DTNBP1: variants seen among roughly 807,000 people sequenced by gnomAD.
DTNBP1 encodes dysbindin.
DTNBP1 carries 35 observed loss-of-function variants against 42.8 expected under a neutral mutation model. The ratio of observed to expected loss-of-function variants is 0.82; its 90% CI spans 0.63 to 1.09. The LOEUF (loss-of-function observed/expected upper bound fraction) is 1.09. DTNBP1 is among the 50% of genes least tolerant of loss of function. The pLI is 0.00. For synonymous variants in DTNBP1, 171 were observed against 162.2 expected, an observed-to-expected ratio of 1.05 and a Z score of -0.41; for missense variants, 457 against 424.2, an observed-to-expected ratio of 1.08 and a Z score of -0.68.
chr6:15,620,180 C>T (rs1033902905), intron 5 of DTNBP1, among the ~76,000 whole-genome samples: 5 of 152,128 alleles, frequency 3.3e-5, no homozygotes, highest in South Asian at 4.1e-4. Flanking sequence ...GCTTTTGAAT[C>T]TAGCTTCAGG....
intron 6 of DTNBP1, among the ~76,000 whole-genome samples, chr6:15,595,986 A>G (rs1561981698): frequency 6.6e-6 from 1 of 152,210 alleles, no homozygotes; most frequent in Non-Finnish European, 1.5e-5. Context: ...GCTGTGATGG[A>G]TGGATATACT....
intron 7 of DTNBP1, among the ~76,000 whole-genome samples, chr6:15,563,676 T>C (rs1774939430): frequency 6.6e-6 from 1 of 152,112 alleles, no homozygotes; most frequent in Non-Finnish European, 1.5e-5. Context: ...GAAAATACAG[T>C]TTCTTCATCT....
At chr6:15,524,312 T>A (rs537310760) in intron 9 of DTNBP1, 12 of 1,611,020 alleles carry the variant, frequency 7.4e-6, no homozygotes, top group South Asian at 5.5e-5. Flanking sequence ...GAGTGGAGCA[T>A]GTCAAATCTT....
intron 7 of DTNBP1, among the ~76,000 whole-genome samples, chr6:15,543,087 C>A (rs1773672539): frequency 6.6e-6 from 1 of 152,096 alleles, no homozygotes; most frequent in Non-Finnish European, 1.5e-5. Flanking sequence ...ATTTATTCCA[C>A]AAATAATAGG....
intron 4 of DTNBP1, among the ~76,000 whole-genome samples, chr6:15,637,119 A>C (rs578086180): frequency 8.5e-5 from 13 of 152,302 alleles, no homozygotes; most frequent in African/African-American, 3.1e-4. Flanking sequence ...AATCAGTCTA[A>C]ATTTATTTAA....
chr6:15,534,830 T>A (rs1344857948), intron 7 of DTNBP1, among the ~76,000 whole-genome samples: 1 of 152,100 alleles, frequency 6.6e-6, no homozygotes, highest in Non-Finnish European at 1.5e-5. Flanking sequence ...AATATTGATA[T>A]GAAACATATG....
intron 7 of DTNBP1, among the ~76,000 whole-genome samples, chr6:15,552,213 C>A (rs1173659019): frequency 1.3e-5 from 2 of 152,118 alleles, no homozygotes; most frequent in Non-Finnish European, 2.9e-5. Flanking sequence ...AAAAGCTGGC[C>A]AGGAAATCTG....
chr6:15,557,606 A>T (rs1262436802), intron 7 of DTNBP1, among the ~76,000 whole-genome samples: 3 of 152,180 alleles, frequency 2.0e-5, no homozygotes, highest in Non-Finnish European at 4.4e-5. Flanking sequence ...TTCATAGTAC[A>T]CAAATACAAA....
intron 6 of DTNBP1, among the ~76,000 whole-genome samples, chr6:15,599,684 T>C (rs1325702297): frequency 3.3e-5 from 5 of 152,164 alleles, no homozygotes; most frequent in Non-Finnish European, 5.9e-5. Context: ...ATCCCCAACA[T>C]AGCCCTGAAG....
rs534514449 is a variant in DTNBP1, at chr6:15,544,464, C to T, written c.512-11069G>A. 2.0e-5 allele frequency among the ~76,000 whole-genome samples: 3 copies of T among 152,320 alleles called. No individual in the cohort carries two copies. The South Asian group carries it at 6.2e-4, about 32-fold the overall frequency. ...TGGGTCATACGGTAAGTTCATTTTT[C>T]GGTTTTGAAAGGAACTGCCAAACTC... On this transcript the variant is annotated intron_variant, in intron 7 of 9. Transcript: ENST00000344537.
intron 6 of DTNBP1, among the ~76,000 whole-genome samples, chr6:15,598,175 TGAAA>T (rs981727277): frequency 3.9e-5 from 6 of 152,064 alleles, no homozygotes; most frequent in Non-Finnish European, 7.4e-5. Context: ...AGAATAAAAA[TGAAA>T]GAAAGAATCA....
chr6:15,607,860 T>C (rs1758165777), intron 6 of DTNBP1, among the ~76,000 whole-genome samples: 1 of 152,202 alleles, frequency 6.6e-6, no homozygotes, highest in Admixed American at 6.5e-5. Context: ...CCAGGAGATG[T>C]ATTTATAGTG....
At chr6:15,580,919 G>C (rs1775799535) in intron 7 of DTNBP1, among the ~76,000 whole-genome samples, 2 of 152,302 alleles carry the variant, frequency 1.3e-5, no homozygotes, top group South Asian at 4.1e-4. Context: ...TGGAAAACTA[G>C]CATGGGTCTA....
intron 3 of DTNBP1, among the ~76,000 whole-genome samples, chr6:15,642,957 C>T (rs1760460927): frequency 6.6e-6 from 1 of 152,124 alleles, no homozygotes; most frequent in South Asian, 2.1e-4. Flanking sequence ...AGCAATGGAT[C>T]CTAACCAAAC....
At chr6:15,593,273 C>G (rs1242243761) in intron 6 of DTNBP1, among the ~76,000 whole-genome samples, 192 bp from the exon 7 acceptor site, 1 of 152,154 alleles carries the variant, frequency 6.6e-6, no homozygotes, top group Non-Finnish European at 1.5e-5. Context: ...TCAGTTATTT[C>G]TGCTATTTTC....
At chr6:15,585,033 A>G in intron 7 of DTNBP1, among the ~76,000 whole-genome samples, 1 of 144,420 alleles carries the variant, frequency 6.9e-6, no homozygotes, top group Non-Finnish European at 1.5e-5. Flanking sequence ...CAGATAAGGA[A>G]TACACTGAAG....
At chr6:15,632,883 C>T (rs1287267115) in intron 4 of DTNBP1, among the ~76,000 whole-genome samples, 1 of 152,196 alleles carries the variant, frequency 6.6e-6, no homozygotes, top group East Asian at 1.9e-4. Context: ...TGAAGAATGT[C>T]TCCCAGGTAG....
intron 6 of DTNBP1, among the ~76,000 whole-genome samples, chr6:15,600,017 T>C (rs1196440170): frequency 6.6e-6 from 1 of 152,128 alleles, no homozygotes; most frequent in Non-Finnish European, 1.5e-5. Context: ...CTTGTTGCCA[T>C]TTATAGCTGA....
chr6:15,650,935 T>C (rs1337455627), intron 3 of DTNBP1, among the ~76,000 whole-genome samples: 2 of 152,176 alleles, frequency 1.3e-5, no homozygotes, highest in Admixed American at 6.5e-5. Flanking sequence ...AAAAAGACCA[T>C]ACATTTTAAT....
Sources: gnomAD v4.1 joint callset for allele counts (sites outside exome capture counted in the v4.1 genomes callset) on GRCh38, gnomAD v4.1.1 for gene constraint, MANE v1.5 for transcripts, NCBI Gene and HGNC (gene_info 2026-07-23, HGNC 2026-07-21) for gene names.